METTL27: variants seen among roughly 807,000 people sequenced by gnomAD.
The protein encoded by METTL27 is methyltransferase-like protein 27.
In METTL27, 29 loss-of-function variants were observed where a neutral mutation model predicts 24.5. The observed-to-expected ratio is 1.18, with a 90% CI of 0.88 to 1.61. The LOEUF (loss-of-function observed/expected upper bound fraction) is 1.61. METTL27 is among the 40% of genes most tolerant of loss of function. METTL27 has a pLI of 0.00. For synonymous variants in METTL27, 138 were observed against 146.8 expected (o/e 0.94, Z 0.43); for missense variants, 341 against 324.3 (o/e 1.05, Z -0.40).
At chr7:73,836,450 A>G (rs1788199843) in intron 5 of METTL27, among the ~76,000 whole-genome samples, 1 of 136,108 alleles carries the variant, frequency 7.3e-6, no homozygotes, top group Non-Finnish European at 1.6e-5. Context: ...CCGGGAGGTG[A>G]GGGGCGCCTC....
In METTL27 at chr7:73,840,523, C is replaced by G. The variant is rs1788323333; in HGVS notation, c.279G>C (p.Leu93=). ...TCCCTGGGCTCCCATCCACCCCATG[C>G]AGCTGGAGGAAGCCTGGAGCCCGCA... is the stretch of plus-strand genomic sequence containing the variant. ...AELRAPGFLQ[L]HGVDGSPGML... Residue 93 remains leucine, a synonymous_variant, in exon 4 of 6, where the codon CTG becomes CTC. Transcript: ENST00000297873. The G allele has an allele frequency of 6.2e-7, 1 of 1,605,858 alleles. No individual in the cohort carries two copies. The highest frequency in any genetic ancestry group is 8.5e-7 in the Non-Finnish European group (1 of 1,176,576).
In METTL27 at chr7:73,840,138, GGGGT is replaced by G; in HGVS notation, c.389-22_389-19del. The G allele has an allele frequency of 8.2e-6, 12 of 1,459,900 alleles. No homozygotes were observed. The highest frequency in any genetic ancestry group is 1.0e-5 in the Non-Finnish European group (11 of 1,059,254). 90.4% of individuals were successfully genotyped at this position (1,459,900 alleles called of 1,614,324 possible). On this transcript the variant is annotated intron_variant, in intron 4 of 5. Transcript: ENST00000297873. ...GAAGGTCCCTGTGTGTGTGTGGGGG[GGGGT>G]GGGGACATGGTGTGATGCTTGGAAG...
chr7:73,835,565 A>C, intron 5 of METTL27, among the ~76,000 whole-genome samples: 1 of 139,872 alleles, frequency 7.1e-6, no homozygotes, highest in Non-Finnish European at 1.6e-5. Context: ...GCTCGCTACA[A>C]CCTCCACCTC....
At chr7:73,838,907 T>C (rs993546817) in intron 5 of METTL27, among the ~76,000 whole-genome samples, 1 of 152,184 alleles carries the variant, frequency 6.6e-6, no homozygotes, top group Non-Finnish European at 1.5e-5. Context: ...CTCGTTCTCA[T>C]GCTCAGCCCC....
chr7:73,841,036 T>C lies in METTL27; in HGVS notation c.252+34A>G, dbSNP rs116207516. ...TAGGAGATTTGAGGAAGTGCGGGGC[T>C]AAGGAGTAGGCAGGGGATCTGGAAG... On this transcript the variant is annotated intron_variant, in intron 3 of 5. Transcript: ENST00000297873. The C allele has an allele frequency of 1.8e-4, 267 of 1,444,374 alleles. 3 individuals carry two copies. The African/African-American group carries it at 3.7e-3, about 20-fold the overall frequency. 89.5% of individuals were successfully genotyped at this position (1,444,374 alleles called of 1,614,324 possible). A position where few individuals can be genotyped will look rare whatever the true frequency, so the allele number is the denominator to read the frequency against.
chr7:73,836,063 C>T (rs1788176496), intron 5 of METTL27, among the ~76,000 whole-genome samples: 1 of 152,056 alleles, frequency 6.6e-6, no homozygotes, highest in Non-Finnish European at 1.5e-5. Flanking sequence ...CCGGCAGCCA[C>T]CCCATCCGGG....
intron 3 of METTL27, 71 bp downstream of exon 3, chr7:73,840,999 G>A: frequency 1.4e-6 from 2 of 1,400,026 alleles, no homozygotes; most frequent in Non-Finnish European, 1.9e-6. Flanking sequence ...AGGGTTCTGG[G>A]GCCAGGGGCA....
intron 5 of METTL27, 46 bp from the exon 6 acceptor site, chr7:73,835,048 G>T: frequency 6.4e-7 from 1 of 1,554,236 alleles, no homozygotes. Context: ...AGGAGCCACA[G>T]TCCTGGGCCA....
At chr7:73,840,918 C>T in intron 3 of METTL27, 152 bp downstream of exon 3, 1 of 1,264,736 alleles carries the variant, frequency 7.9e-7, no homozygotes, top group Non-Finnish European at 1.0e-6. Flanking sequence ...GCCTCGGCCT[C>T]CCATAGTGTG....
Position 73,835,001 on chromosome 7 carries a change from A to C in METTL27, c.480T>G (p.Gly160=). 1.9e-6 allele frequency: 3 copies of C among 1,608,066 alleles called. No individual in the cohort carries two copies. Among genetic ancestry groups the C allele is most frequent in the East Asian group, 2.2e-5 (1 of 44,702 alleles). The change falls in exon 6 of 6, where the codon GGT becomes GGG. Residue 160 remains glycine, a splice_region_variant and synonymous_variant. Transcript: ENST00000297873. ...AIPELHVTKP[G]GLVCLTTRTN... is the part of the protein sequence containing the mutation. ...TCCTGGTGGTCAGACACACCAGCCC[A>C]CCTGGGGGAGAGGGGTAGGTGAGGT...
chr7:73,841,126 G>A lies in METTL27; in HGVS notation c.196C>T (p.Pro66Ser), dbSNP rs1554636348. The A allele has an allele frequency of 1.3e-6, 2 of 1,538,352 alleles. No homozygotes were observed. The highest frequency in any genetic ancestry group is 2.6e-5 in the East Asian group (1 of 39,168). ...ACGTCCAGGATCAGGGCACTGTGGGGCGGGCCTGGAAGGGCTTGTGTGAGG... is the reference window on the plus strand; with the variant it reads ...ACGTCCAGGATCAGGGCACTGTGGGACGGGCCTGGAAGGGCTTGTGTGAGG... ...DCLTQALPGP[P>S]HSALILDVAC... Residue 66 changes from proline to serine, a missense_variant, in exon 3 of 6, where the codon CCC becomes TCC. By Grantham distance (74) the Pro-to-Ser change is moderately conservative. Coordinates refer to ENST00000297873, the MANE Select transcript of METTL27 (RefSeq NM_152559.3).
chr7:73,841,230 G>T, intron 2 of METTL27, 32 bp from the exon 3 acceptor site: 1 of 1,546,844 alleles, frequency 6.5e-7, no homozygotes, highest in South Asian at 1.3e-5. Flanking sequence ...TACAACACCG[G>T]TGCCCCAGTG....
At chr7:73,835,103 T>TA (rs375664486) in intron 5 of METTL27, 101 bp from the exon 6 acceptor site, 1 of 1,454,550 alleles carries the variant, frequency 6.9e-7, no homozygotes, top group African/African-American at 1.4e-5. Flanking sequence ...AAATTCGACT[T>TA]AAAAGATTGG....
rs1788113234 is a variant in METTL27 at position 73,834,819 on chromosome 7, G to A, written c.662C>T (p.Ser221Phe). 2 of 1,614,056 alleles carry A rather than the reference G, an allele frequency of 1.2e-6. No individual in the cohort carries two copies. The highest frequency in any genetic ancestry group is 1.3e-5 in the African/African-American group (1 of 74,944). ...LPPSWRWYPA[S>F]LPRMASSPAL... ...CGGAGATGAAGCCATCCTTGGCAGAGATGCCGGATACCACCTCCAGCTCGG... is the reference window on the plus strand; with the variant it reads ...CGGAGATGAAGCCATCCTTGGCAGAAATGCCGGATACCACCTCCAGCTCGG... The change falls in exon 6 of 6, where the codon TCT (serine) becomes TTT (phenylalanine). Residue 221 changes from serine to phenylalanine, a missense_variant. By Grantham distance (155) the Ser-to-Phe change is radical. Coordinates refer to ENST00000297873, the MANE Select transcript of METTL27 (RefSeq NM_152559.3).
chr7:73,835,415 G>C (rs1554634937), intron 5 of METTL27, among the ~76,000 whole-genome samples: 2 of 144,262 alleles, frequency 1.4e-5, no homozygotes, highest in Non-Finnish European at 3.0e-5. Context: ...GGGTTTCGCT[G>C]TGTTGGCCAG....
chr7:73,840,960 T>C, intron 3 of METTL27, 110 bp downstream of exon 3: 1 of 1,357,930 alleles, frequency 7.4e-7, no homozygotes, highest in Non-Finnish European at 9.5e-7. Context: ...GTCTCATGCA[T>C]TTGAAACAGT....
Position 73,842,467 on chromosome 7 carries a change from AGGAGGCC to A in METTL27, c.-5+16_-5+22del, listed in dbSNP as rs1563654422. ...GACATCCGGAGCGAAACGGTCTCGA[AGGAGGCC>A]GGAGTCAGAACTCACCGCCAATCCA... On this transcript the variant is annotated intron_variant, in intron 1 of 5. Coordinates refer to ENST00000297873, the MANE Select transcript of METTL27 (RefSeq NM_152559.3). 1.2e-4 allele frequency: 37 copies of A among 308,424 alleles called. 1 individual carries two copies. Among genetic ancestry groups the A allele is most frequent in the Middle Eastern group, 1.8e-3 (2 of 1,090 alleles). The allele number at this position is 308,424 out of a possible 1,614,324, so 19.1% of individuals were successfully genotyped here. A position where few individuals can be genotyped will look rare whatever the true frequency, so the allele number is the denominator to read the frequency against.
rs1563652034 is a variant in METTL27, at chr7:73,840,022, G to C, written c.478+9C>G. ...GGGGTTGGGGGTGGTTGGCTGGGCT[G>C]CTCCTCACCTGGCTTGGTGACATGT... On this transcript the variant is annotated intron_variant, in intron 5 of 5. Transcript: ENST00000297873. 1.9e-6 allele frequency: 3 copies of C among 1,603,950 alleles called. No homozygotes were observed. The highest frequency in any genetic ancestry group is 4.5e-5 in the East Asian group (2 of 44,798).
At chr7:73,841,935 C>G in intron 2 of METTL27, 83 bp downstream of exon 2, 1 of 1,608,350 alleles carries the variant, frequency 6.2e-7, no homozygotes, top group Non-Finnish European at 8.5e-7. Context: ...CACAGCCGCC[C>G]CCGGGTGCAA....
Sources: allele counts gnomAD v4.1 joint callset (sites outside exome capture counted in the v4.1 genomes callset), GRCh38; gene constraint gnomAD v4.1.1; transcripts MANE v1.5; gene names NCBI Gene and HGNC (gene_info 2026-07-23, HGNC 2026-07-21).